The following RMND1 variants were observed in gnomAD, a reference collection of about 807,000 sequenced individuals.
The protein encoded by RMND1 is required for meiotic nuclear division protein 1 homolog.
In RMND1, 41 loss-of-function variants were observed where a neutral mutation model predicts 54.0. That is an observed-to-expected ratio of 0.76 (90% CI 0.59 to 0.98). The LOEUF (loss-of-function observed/expected upper bound fraction) is 0.98, where lower values mean the gene tolerates loss of function less well. Ranked by LOEUF, RMND1 falls within the 50% of genes least tolerant of loss-of-function variation. The pLI, the probability that RMND1 is intolerant of heterozygous loss-of-function variation, is 0.00. For synonymous variants in RMND1, 183 were observed against 181.7 expected (o/e 1.01, Z -0.06); for missense variants, 457 against 532.0 (o/e 0.86, Z 1.39).
intron 9 of RMND1, among the ~76,000 whole-genome samples, chr6:151,420,323 G>A (rs760974873): frequency 8.5e-5 from 13 of 152,274 alleles, no homozygotes; most frequent in Non-Finnish European, 1.8e-4. Flanking sequence ...TGAGCTATGA[G>A]AGATACACAG....
At position 151,449,017 on chromosome 6, in the gene RMND1, C is replaced by A. The variant is rs1273586057; in HGVS notation, c.-15+2999G>T. On this transcript the variant is annotated intron_variant, in intron 1 of 11. Coordinates refer to ENST00000444024, the MANE Select transcript of RMND1 (RefSeq NM_017909.4). ...GCTTGAATCTGGGAGGCGGAGATTG[C>A]GCCACTGCACTCCAGAATGAGCAAC... Among the ~76,000 whole-genome samples the A allele has an allele frequency of 2.1e-5, 3 of 142,658 alleles. No homozygotes were observed. In the East Asian group the frequency reaches 6.4e-4, roughly 31 times the overall value. The allele number at this position is 142,658 out of a possible 152,430, so 93.6% of individuals were successfully genotyped here.
At chr6:151,428,803 C>A (rs143596304) in intron 5 of RMND1, among the ~76,000 whole-genome samples, 2 of 151,968 alleles carry the variant, frequency 1.3e-5, no homozygotes, top group South Asian at 2.1e-4. Flanking sequence ...CAAAGTGATA[C>A]GATTACAGGT....
intron 3 of RMND1, among the ~76,000 whole-genome samples, chr6:151,433,766 T>G (rs945994059): frequency 6.6e-6 from 1 of 152,124 alleles, no homozygotes; most frequent in Non-Finnish European, 1.5e-5. Flanking sequence ...ATATGTGATT[T>G]CAAGGTTAAT....
At chr6:151,410,085 T>C (rs145668307) in intron 10 of RMND1, among the ~76,000 whole-genome samples, 3,919 of 151,578 alleles carry the variant, frequency 0.026, 69 homozygotes, top group Non-Finnish European at 0.038. Context: ...GGCGGAGTCT[T>C]GCTCTGTCAC....
At chr6:151,408,423 C>T (rs933644909) in intron 10 of RMND1, among the ~76,000 whole-genome samples, 4 of 151,840 alleles carry the variant, frequency 2.6e-5, no homozygotes, top group African/African-American at 9.7e-5. Flanking sequence ...ACCCAGGAGT[C>T]GGTGGTTGCA....
chr6:151,441,110 C>A (rs1251650943), intron 2 of RMND1, among the ~76,000 whole-genome samples: 1 of 152,074 alleles, frequency 6.6e-6, no homozygotes, highest in Non-Finnish European at 1.5e-5. Context: ...GTTTTTCTGG[C>A]CAAAGAAGAC....
rs779177926 is a variant in RMND1 at position 151,446,895 on chromosome 6, T to C, written c.-14-1070A>G. ...CAGCCTGGGCGACAGAATGAGACTC[T>C]GTCTCAAAAAAAAAAAAAAGTTAGA... On this transcript the variant is annotated intron_variant, in intron 1 of 11. Coordinates refer to ENST00000444024, the MANE Select transcript of RMND1 (RefSeq NM_017909.4). 1.7e-3 allele frequency among the ~76,000 whole-genome samples: 227 copies of C among 132,156 alleles called. 1 individual carries two copies. The highest frequency in any genetic ancestry group is 2.7e-3 in the Non-Finnish European group (174 of 64,890). The allele number at this position is 132,156 out of a possible 152,430, so 86.7% of individuals were successfully genotyped here.
chr6:151,432,987 TA>T (rs768709085), intron 4 of RMND1, among the ~76,000 whole-genome samples, 167 bp downstream of exon 4: 11 of 152,344 alleles, frequency 7.2e-5, no homozygotes, highest in Non-Finnish European at 1.6e-4. Context: ...AGAGAATTCC[TA>T]AAAGTGACAA....
chr6:151,418,709 C>T (rs1369638487), intron 9 of RMND1: 1 of 152,170 alleles, frequency 6.6e-6, no homozygotes, highest in African/African-American at 2.4e-5. Flanking sequence ...AAACACTAGA[C>T]AAGCAAGCAT....
chr6:151,423,041 A>G (rs1384309969), intron 7 of RMND1, among the ~76,000 whole-genome samples: 1 of 152,236 alleles, frequency 6.6e-6, no homozygotes, highest in South Asian at 2.1e-4. Flanking sequence ...CACCTAAGGT[A>G]GACTGCTGGC....
chr6:151,438,486 T>C (rs1423113257), intron 2 of RMND1, among the ~76,000 whole-genome samples: 2 of 152,204 alleles, frequency 1.3e-5, no homozygotes, highest in Non-Finnish European at 2.9e-5. Context: ...TGGCAGAGGC[T>C]GTCTCTTTTG....
chr6:151,428,010 G>A (rs911032529), intron 5 of RMND1, among the ~76,000 whole-genome samples: 2 of 152,100 alleles, frequency 1.3e-5, no homozygotes, highest in Non-Finnish European at 2.9e-5. Flanking sequence ...GTGTGGTGAT[G>A]TACACCTGTA....
chr6:151,434,926 G>C (rs2114956595), intron 3 of RMND1, among the ~76,000 whole-genome samples: 1 of 152,196 alleles, frequency 6.6e-6, no homozygotes, highest in Admixed American at 6.5e-5. Context: ...TTGGCTCATT[G>C]CAACCTCCAC....
At chr6:151,436,641 T>C in intron 2 of RMND1, 87 bp from the exon 3 acceptor site, 1 of 1,313,004 alleles carries the variant, frequency 7.6e-7, no homozygotes, top group Non-Finnish European at 1.1e-6. Flanking sequence ...GACTCCATTC[T>C]GCAAAGCTAG....
rs532272226 is a variant in RMND1 at position 151,413,139 on chromosome 6, T to C, written c.1200+4140A>G. Among the ~76,000 whole-genome samples the C allele has an allele frequency of 7.9e-5, 12 of 152,270 alleles. No homozygotes were observed. In the South Asian group the frequency reaches 2.3e-3, roughly 29 times the overall value. On this transcript the variant is annotated intron_variant, in intron 10 of 11. Coordinates refer to ENST00000444024, the MANE Select transcript of RMND1 (RefSeq NM_017909.4). ...ATCCAGCCAATAACCACGAGTGAAC[T>C]AGGAAGTGAATCTCTGAGATGACTG...
At chr6:151,437,235 C>T (rs550048128) in intron 2 of RMND1, among the ~76,000 whole-genome samples, 19 of 152,200 alleles carry the variant, frequency 1.2e-4, no homozygotes, top group South Asian at 6.2e-4. Flanking sequence ...AGTTCTGATA[C>T]CAATTTAGTT....
At chr6:151,412,403 C>A (rs1295469490) in intron 10 of RMND1, among the ~76,000 whole-genome samples, 1 of 152,050 alleles carries the variant, frequency 6.6e-6, no homozygotes, top group Non-Finnish European at 1.5e-5. Flanking sequence ...GTGACCCTCC[C>A]ATCTCAGCCT....
intron 2 of RMND1, among the ~76,000 whole-genome samples, chr6:151,441,475 G>C (rs6940667): frequency 0.073 from 11,150 of 151,940 alleles, 544 homozygotes; most frequent in East Asian, 0.15. Context: ...GTGACTCTCA[G>C]TGGGTCCTGG....
intron 9 of RMND1, among the ~76,000 whole-genome samples, chr6:151,418,311 G>A (rs190914439): frequency 5.1e-4 from 78 of 152,204 alleles, no homozygotes; most frequent in African/African-American, 1.8e-3. Context: ...CTACTTGGGA[G>A]GCTGAGGTGG....
Sources: gnomAD v4.1 joint callset for allele counts (sites outside exome capture counted in the v4.1 genomes callset) on GRCh38, gnomAD v4.1.1 for gene constraint, MANE v1.5 for transcripts, NCBI Gene and HGNC (gene_info 2026-07-23, HGNC 2026-07-21) for gene names.